The following PSMC1 variants were observed in gnomAD, a reference collection of about 807,000 sequenced individuals.
PSMC1 encodes 26S proteasome regulatory subunit 4.
A neutral mutation model predicts 49.8 loss-of-function variants in PSMC1; 5 were observed. The observed-to-expected ratio is 0.10, with a 90% CI of 0.05 to 0.21. PSMC1 has a LOEUF of 0.21. Among genes scored for constraint, PSMC1 ranks in the 10% least tolerant of loss-of-function variants. The pLI is 1.00. For missense variants in PSMC1, 181 were observed against 535.7 expected (o/e 0.34, Z 6.54); for synonymous variants, 155 against 192.1 (o/e 0.81, Z 1.60).
chr14:90,262,566 C>T (rs775095749), intron 3 of PSMC1, among the ~76,000 whole-genome samples: 2 of 152,064 alleles, frequency 1.3e-5, no homozygotes, highest in Non-Finnish European at 2.9e-5. Flanking sequence ...AGGTGGATCA[C>T]GAGGTCAGGA....
At chr14:90,269,667 G>A in intron 9 of PSMC1, 119 bp downstream of exon 9, 2 of 1,162,932 alleles carry the variant, frequency 1.7e-6, no homozygotes, top group South Asian at 1.6e-5. Flanking sequence ...TGAAACTTAG[G>A]ATAATTTACA....
chr14:90,268,669 C>T (rs1193898129), intron 8 of PSMC1: 10 of 380,420 alleles, frequency 2.6e-5, no homozygotes, highest in Non-Finnish European at 4.2e-5. Context: ...CATCTGGACT[C>T]TAGGGACACA....
intron 3 of PSMC1, among the ~76,000 whole-genome samples, chr14:90,261,303 T>C (rs11849641): frequency 0.55 from 83,788 of 152,068 alleles, 23,766 homozygotes; most frequent in Middle Eastern, 0.72. Context: ...AAATATGCTC[T>C]TCCCTGCTTA....
intron 3 of PSMC1, among the ~76,000 whole-genome samples, chr14:90,262,786 CAAA>C (rs553012340): frequency 8.1e-6 from 1 of 123,794 alleles, no homozygotes; most frequent in Admixed American, 8.4e-5. Flanking sequence ...GACTCCGTCT[CAAA>C]AAAAAAAAAA....
At chr14:90,264,931 G>A (rs1312408553) in intron 6 of PSMC1, 139 bp from the exon 7 acceptor site, 2 of 700,210 alleles carry the variant, frequency 2.9e-6, no homozygotes, top group Non-Finnish European at 4.9e-6. Flanking sequence ...GCTGCTAATA[G>A]AAATCAAGCA....
intron 6 of PSMC1, among the ~76,000 whole-genome samples, 167 bp from the exon 7 acceptor site, chr14:90,264,903 C>G (rs559685164): frequency 6.6e-6 from 1 of 152,336 alleles, no homozygotes; most frequent in Admixed American, 6.5e-5. Flanking sequence ...GGACAGGTGT[C>G]ATCTTCAGTA....
Position 90,270,298 on chromosome 14 carries a change from A to G in PSMC1, c.1134A>G (p.Val378=). The G allele has an allele frequency of 6.2e-7, 1 of 1,613,794 alleles. No homozygotes were observed. Among genetic ancestry groups the G allele is most frequent in the South Asian group, 1.1e-5 (1 of 91,066 alleles). Residue 378 remains valine, a synonymous_variant, in exon 10 of 11, where the codon GTA becomes GTG. Coordinates refer to ENST00000261303, the MANE Select transcript of PSMC1 (RefSeq NM_002802.3). ...HTSRMTLADD[V]TLDDLIMAKD... is the part of the protein sequence containing the mutation. Reference sequence around the variant, plus strand: ...GCAGGATGACGCTGGCTGATGATGTAACCCTGGACGACCTGATCATGGCTA... The same window carrying G: ...GCAGGATGACGCTGGCTGATGATGTGACCCTGGACGACCTGATCATGGCTA...
rs76961711 is a variant in PSMC1 at position 90,263,460 on chromosome 14, T to G, written c.279+18T>G. On this transcript the variant is annotated intron_variant, in intron 4 of 10. Transcript: ENST00000261303. Reference sequence around the variant, plus strand: ...AGCAAGAGGTAAGTTGAAAAGTTACTATCATTTTCTTTTTTACAAATTGAA... The same window carrying G: ...AGCAAGAGGTAAGTTGAAAAGTTACGATCATTTTCTTTTTTACAAATTGAA... 135 of 1,557,874 alleles carry G rather than the reference T, an allele frequency of 8.7e-5. No homozygotes were observed. The highest frequency in any genetic ancestry group is 1.2e-4 in the Non-Finnish European group (135 of 1,154,886).
intron 8 of PSMC1, 159 bp downstream of exon 8, chr14:90,268,572 C>A: frequency 1.5e-6 from 1 of 670,734 alleles, no homozygotes; most frequent in Non-Finnish European, 2.5e-6. Context: ...CAGGAGCCAG[C>A]TAACAACTGC....
At chr14:90,263,921 G>A (rs2282030) in intron 5 of PSMC1, 74 bp downstream of exon 5, 935,110 of 1,590,832 alleles carry the variant, frequency 0.59, 277,419 homozygotes, top group Middle Eastern at 0.7. Flanking sequence ...TTCCTGTCCC[G>A]TGGAAGTAGA....
Position 90,256,582 on chromosome 14 carries a change from A to T in PSMC1, c.-16A>T. On this transcript the variant is annotated 5_prime_UTR_variant, in exon 1 of 11. Coordinates refer to ENST00000261303, the MANE Select transcript of PSMC1 (RefSeq NM_002802.3). ...GAGGAACTTCCGGCAGCGGCAGCTCAAGTGGCCAAGGCAAGATGGTGAGTG... is the reference window on the plus strand; with the variant it reads ...GAGGAACTTCCGGCAGCGGCAGCTCTAGTGGCCAAGGCAAGATGGTGAGTG... The T allele has an allele frequency of 1.3e-6, 2 of 1,587,450 alleles. No individual in the cohort carries two copies. The highest frequency in any genetic ancestry group is 1.7e-6 in the Non-Finnish European group (2 of 1,166,856).
rs2139653885 is a variant in PSMC1, at chr14:90,272,082, T to C, written c.1189-191T>C. The C allele has an allele frequency of 6.8e-6, 3 of 438,022 alleles. No individual in the cohort carries two copies. The highest frequency in any genetic ancestry group is 2.4e-5 in the South Asian group (1 of 41,156). 27.1% of individuals were successfully genotyped at this position (438,022 alleles called of 1,614,324 possible). A position where few individuals can be genotyped will look rare whatever the true frequency, so the allele number is the denominator to read the frequency against. ...TAACTTTTTGTATTTTTAGTAGAGA[T>C]GGGGTTTCACCGTGTTGGCCAGGCT... On this transcript the variant is annotated intron_variant, in intron 10 of 10. Transcript: ENST00000261303. The surrounding 1 kb of genome is among the most constrained non-coding windows in gnomAD (Gnocchi z 4.5).
rs4904668 is a variant in PSMC1, at chr14:90,275,268, T to C, written c.*2861T>C. The C allele has an allele frequency of 0.95, 144,388 of 152,260 alleles. 68,872 individuals carry two copies. The highest frequency in any genetic ancestry group is 1 in the Non-Finnish European group (67,979 of 68,064). The allele number at this position is 152,260 out of a possible 1,614,324, so 9.4% of individuals were successfully genotyped here. A position where few individuals can be genotyped will look rare whatever the true frequency, so the allele number is the denominator to read the frequency against. ...GAGGACATGACTGGGCCTGAGGACC[T>C]GCTAGGAGTACTGCGTCCATGCTGA... On this transcript the variant is annotated 3_prime_UTR_variant, in exon 11 of 11. Coordinates refer to ENST00000261303, the MANE Select transcript of PSMC1 (RefSeq NM_002802.3).
intron 7 of PSMC1, 31 bp from the exon 8 acceptor site, chr14:90,268,191 CTT>C (rs34247505): frequency 1.7e-4 from 218 of 1,300,784 alleles, no homozygotes; most frequent in East Asian, 1.1e-3. Context: ...CTTAAGGTGT[CTT>C]TTTTTTTTTT....
At position 90,274,787 on chromosome 14, in the gene PSMC1, T is replaced by TACACACACACACACACACAC. The variant is rs144111170; in HGVS notation, c.*2413_*2432dup. The TACACACACACACACACACAC allele has an allele frequency of 1.4e-4, 15 of 110,908 alleles. No homozygotes were observed. The highest frequency in any genetic ancestry group is 4.1e-4 in the African/African-American group (13 of 31,734). The allele number at this position is 110,908 out of a possible 1,614,324, so 6.9% of individuals were successfully genotyped here. A position where few individuals can be genotyped will look rare whatever the true frequency, so the allele number is the denominator to read the frequency against. ...CAGTATAGCCCTTTAAATAGGGAAC[T>TACACACACACACACACACAC]ACACACACACACACACACACACACA... On this transcript the variant is annotated 3_prime_UTR_variant, in exon 11 of 11. Transcript: ENST00000261303.
At chr14:90,263,096 C>G (rs1208904621) in intron 3 of PSMC1, among the ~76,000 whole-genome samples, 1 of 152,084 alleles carries the variant, frequency 6.6e-6, no homozygotes, top group African/African-American at 2.4e-5. Flanking sequence ...TCATTTGGGG[C>G]TAGCTATTTG....
intron 3 of PSMC1, among the ~76,000 whole-genome samples, chr14:90,263,010 TA>T (rs1281588447): frequency 1.3e-5 from 2 of 152,136 alleles, no homozygotes; most frequent in Non-Finnish European, 2.9e-5. Flanking sequence ...TGGGAAAAAA[TA>T]AACCAGACCC....
chr14:90,268,182 T>C, intron 7 of PSMC1, 42 bp from the exon 8 acceptor site: 1 of 1,475,908 alleles, frequency 6.8e-7, no homozygotes, highest in South Asian at 1.3e-5. Flanking sequence ...AAAATGGCAC[T>C]TAAGGTGTCT....
chr14:90,260,082 GA>G (rs778774966), intron 2 of PSMC1, 32 bp from the exon 3 acceptor site: 1 of 1,078,904 alleles, frequency 9.3e-7, no homozygotes, highest in Admixed American at 2.4e-5. Flanking sequence ...ATTTTCATGT[GA>G]TTTTTTTTTC....
Sources: allele counts gnomAD v4.1 joint callset (sites outside exome capture counted in the v4.1 genomes callset), GRCh38; gene constraint gnomAD v4.1.1; non-coding constraint Gnocchi (gnomAD v3.1); transcripts MANE v1.5; gene names NCBI Gene and HGNC (gene_info 2026-07-23, HGNC 2026-07-21).